Variants in TECRL observed in about 807,000 individuals in gnomAD.
TECRL encodes the protein trans-2,3-enoyl-CoA reductase like.
In TECRL, 63 loss-of-function variants were observed where a neutral mutation model predicts 52.8. The ratio of observed to expected loss-of-function variants is 1.19; its 90% CI spans 0.97 to 1.47. TECRL has a LOEUF of 1.47. TECRL is among the 40% of genes most tolerant of loss of function. The probability of loss-of-function intolerance (pLI) is 0.00; values close to 1 mark genes in which losing one functional copy is unlikely to be tolerated. For missense variants in TECRL, 482 were observed against 429.6 expected, an observed-to-expected ratio of 1.12 and a Z score of -1.08; for synonymous variants, 164 against 141.9, an observed-to-expected ratio of 1.16 and a Z score of -1.10.
At chr4:64,323,458 A>T (rs144432594) in intron 3 of TECRL, among the ~76,000 whole-genome samples, 2 of 152,242 alleles carry the variant, frequency 1.3e-5, no homozygotes, top group Non-Finnish European at 2.9e-5. Context: ...CTACACCTCA[A>T]CTACTTTCTA....
At chr4:64,395,257 T>C (rs1012815383) in intron 1 of TECRL, among the ~76,000 whole-genome samples, 2 of 152,084 alleles carry the variant, frequency 1.3e-5, no homozygotes, top group African/African-American at 4.8e-5. Context: ...ATTATGTATT[T>C]TACCCAAATT....
chr4:64,367,872 C>G lies in TECRL; in HGVS notation c.286+7300G>C, dbSNP rs558907408. Among the ~76,000 whole-genome samples, 794 of 152,152 alleles carry G rather than the reference C, an allele frequency of 5.2e-3. 4 individuals are homozygous for G. The highest frequency in any genetic ancestry group is 7.2e-3 in the Non-Finnish European group (490 of 68,006). On this transcript the variant is annotated intron_variant, in intron 2 of 11. Coordinates refer to ENST00000381210, the MANE Select transcript of TECRL (RefSeq NM_001010874.5). The stretch of plus-strand genomic sequence containing the variant: ...ATTTATTTCAATTCCACGGAAGATG[C>G]TGATGTATCTCTTTTGTTATGCTCA...
At chr4:64,304,351 C>T (rs939874808) in intron 7 of TECRL, among the ~76,000 whole-genome samples, 3 of 151,922 alleles carry the variant, frequency 2.0e-5, no homozygotes, top group Admixed American at 6.6e-5. Flanking sequence ...CCAGACTGAA[C>T]TTGTTGGTTT....
chr4:64,339,626 T>C (rs1269990185), intron 2 of TECRL, among the ~76,000 whole-genome samples: 1 of 152,122 alleles, frequency 6.6e-6, no homozygotes. Flanking sequence ...TCAATGTTGA[T>C]GATTTTAACA....
chr4:64,373,028 T>C (rs2109667277), intron 2 of TECRL, among the ~76,000 whole-genome samples: 1 of 151,828 alleles, frequency 6.6e-6, no homozygotes, highest in East Asian at 1.9e-4. Context: ...TACAGATTTT[T>C]CAGGATTAGC....
At chr4:64,352,978 T>A (rs1338143099) in intron 2 of TECRL, among the ~76,000 whole-genome samples, 1 of 152,176 alleles carries the variant, frequency 6.6e-6, no homozygotes, top group Admixed American at 6.5e-5. Context: ...CTCAGCCTCC[T>A]GAGTAGCTTG....
intron 2 of TECRL, among the ~76,000 whole-genome samples, chr4:64,349,968 A>G (rs565362931): frequency 6.6e-6 from 1 of 152,344 alleles, no homozygotes; most frequent in South Asian, 2.1e-4. Context: ...TAATAAATGC[A>G]CTGCTTATGA....
chr4:64,373,937 A>G (rs1206207161), intron 2 of TECRL, among the ~76,000 whole-genome samples: 1 of 147,598 alleles, frequency 6.8e-6, no homozygotes, highest in Non-Finnish European at 1.5e-5. Context: ...TATACACTAT[A>G]TATATACTAT....
At chr4:64,382,271 T>A (rs1181151821) in intron 1 of TECRL, among the ~76,000 whole-genome samples, 2 of 144,634 alleles carry the variant, frequency 1.4e-5, no homozygotes, top group Non-Finnish European at 3.0e-5. Context: ...ATGTTATATA[T>A]TATATATTAT....
intron 8 of TECRL, among the ~76,000 whole-genome samples, chr4:64,294,890 C>G (rs1223045144): frequency 3.3e-5 from 5 of 151,948 alleles, no homozygotes; most frequent in Non-Finnish European, 7.4e-5. Flanking sequence ...ATTAACTATT[C>G]TGATCTTGGA....
chr4:64,308,958 A>G (rs180811925), intron 6 of TECRL, among the ~76,000 whole-genome samples: 1 of 152,210 alleles, frequency 6.6e-6, no homozygotes, highest in Non-Finnish European at 1.5e-5. Flanking sequence ...TTTTCTAACA[A>G]TTAGTGAATT....
intron 2 of TECRL, among the ~76,000 whole-genome samples, chr4:64,332,080 A>G (rs532024452): frequency 6.6e-6 from 1 of 152,324 alleles, no homozygotes; most frequent in Admixed American, 6.5e-5. Context: ...GGGAGACAGG[A>G]GAAGCTCAGA....
intron 3 of TECRL, among the ~76,000 whole-genome samples, chr4:64,323,323 G>A (rs1256250685): frequency 3.3e-5 from 5 of 151,972 alleles, no homozygotes; most frequent in Middle Eastern, 6.8e-3. Flanking sequence ...CTTGAGCCAG[G>A]GAGGTCAAGG....
chr4:64,307,840 T>A (rs1456364430), intron 6 of TECRL, among the ~76,000 whole-genome samples: 1 of 152,146 alleles, frequency 6.6e-6, no homozygotes, highest in Non-Finnish European at 1.5e-5. Flanking sequence ...GCTTCATATC[T>A]CACATAATAC....
At chr4:64,359,364 G>T (rs1427201944) in intron 2 of TECRL, among the ~76,000 whole-genome samples, 2 of 152,028 alleles carry the variant, frequency 1.3e-5, no homozygotes, top group Admixed American at 1.3e-4. Flanking sequence ...ATCTCCCGTT[G>T]AATTGTAAAT....
Position 64,310,949 on chromosome 4 carries a change from G to A in TECRL, c.552-1018C>T, listed in dbSNP as rs1716955625. 3.3e-5 allele frequency among the ~76,000 whole-genome samples: 5 copies of A among 152,118 alleles called. No individual in the cohort carries two copies. The South Asian group carries it at 8.3e-4, about 25-fold the overall frequency. Reference sequence around the variant, plus strand: ...TGCCCAGGCTAGTCTCAAACTCCTGGGCTCACATAATCAACTTGCCTGGGG... The same window carrying A: ...TGCCCAGGCTAGTCTCAAACTCCTGAGCTCACATAATCAACTTGCCTGGGG... On this transcript the variant is annotated intron_variant, in intron 5 of 11. Transcript: ENST00000381210.
At chr4:64,310,589 AT>A in intron 5 of TECRL, among the ~76,000 whole-genome samples, 1 of 152,190 alleles carries the variant, frequency 6.6e-6, no homozygotes, top group South Asian at 2.1e-4. Context: ...ACAGCAGTAT[AT>A]TTTTCTGGAT....
At chr4:64,306,718 G>A (rs1724361856) in intron 6 of TECRL, among the ~76,000 whole-genome samples, 2 of 152,148 alleles carry the variant, frequency 1.3e-5, no homozygotes, top group African/African-American at 2.4e-5. Context: ...TTCTCCCTGG[G>A]TGACTATTCT....
chr4:64,280,080 T>C lies in TECRL; in HGVS notation c.1084A>G (p.Ile362Val), dbSNP rs1722740616. Reference protein sequence around the residue: ...IHRKSAMIPFIL With the variant: ...IHRKSAMIPFVL ...GAGATAAGATTCTTTTTTTACAATA[T>C]GAATGGAATCATTGCTGATTTTCTA... The change falls in exon 12 of 12, where the codon ATA becomes GTA. Residue 362 changes from isoleucine (I) to valine (V), a missense_variant. Coordinates refer to ENST00000381210, the MANE Select transcript of TECRL (RefSeq NM_001010874.5). 1 of 1,589,738 alleles carries C rather than the reference T, an allele frequency of 6.3e-7. No individual in the cohort carries two copies. The highest frequency in any genetic ancestry group is 8.5e-7 in the Non-Finnish European group (1 of 1,170,742).
Sources: allele counts gnomAD v4.1 joint callset (sites outside exome capture counted in the v4.1 genomes callset), GRCh38; gene constraint gnomAD v4.1.1; transcripts MANE v1.5; gene names NCBI Gene and HGNC (gene_info 2026-07-23, HGNC 2026-07-21).